The following TENM2 variants were observed in gnomAD, a reference collection of about 807,000 sequenced individuals.
TENM2 encodes teneurin transmembrane protein 2.
A neutral mutation model predicts 245.2 loss-of-function variants in TENM2; 52 were observed. The observed-to-expected ratio is 0.21, with a 90% CI of 0.17 to 0.27. The LOEUF (loss-of-function observed/expected upper bound fraction) is 0.27, where lower values mean the gene tolerates loss of function less well. Among genes scored for constraint, TENM2 ranks in the 10% least tolerant of loss-of-function variants. The pLI is 1.00. For synonymous variants in TENM2, 1,363 were observed against 1,438.9 expected (o/e 0.95, Z 1.19); for missense variants, 3,046 against 3,666.8 (o/e 0.83, Z 4.37).
the TENM2 span, among the ~76,000 whole-genome samples, chr5:167,204,666 G>T: frequency 0.011 from 1,677 of 151,740 alleles, 9 homozygotes; most frequent in Middle Eastern, 0.027. Flanking sequence ...CTTCTTGGAG[G>T]ACTTTATGTC....
chr5:168,240,206 C>T (rs560746182), intron 25 of TENM2, among the ~76,000 whole-genome samples: 77 of 152,236 alleles, frequency 5.1e-4, no homozygotes, highest in African/African-American at 1.7e-3. Flanking sequence ...GATGACAGAG[C>T]GAGACTCTGT....
intron 19 of TENM2, among the ~76,000 whole-genome samples, chr5:168,206,003 A>G (rs1581631023): frequency 6.6e-6 from 1 of 152,202 alleles, no homozygotes; most frequent in Non-Finnish European, 1.5e-5. Context: ...CAATTAGAAT[A>G]TATTTTCGAG....
At chr5:168,187,909 T>A (rs1361035773) in intron 13 of TENM2, among the ~76,000 whole-genome samples, 1 of 152,134 alleles carries the variant, frequency 6.6e-6, no homozygotes, top group African/African-American at 2.4e-5. Flanking sequence ...TGAAAGTCTC[T>A]CAATCTAAAG....
chr5:168,249,446 C>T (rs1038720987), intron 27 of TENM2, among the ~76,000 whole-genome samples: 26 of 106,380 alleles, frequency 2.4e-4, no homozygotes, highest in Admixed American at 4.4e-4. Context: ...AAATACCGTT[C>T]TCTCAAGGTG....
intron 2 of TENM2, among the ~76,000 whole-genome samples, chr5:167,439,086 A>C (rs984535076): frequency 2.0e-5 from 3 of 152,172 alleles, no homozygotes; most frequent in African/African-American, 7.2e-5. Context: ...GAGCCGCCGC[A>C]CCGGGCCGCC....
chr5:168,215,543 C>T (rs1257447134), intron 21 of TENM2, among the ~76,000 whole-genome samples: 1 of 152,150 alleles, frequency 6.6e-6, no homozygotes, highest in Non-Finnish European at 1.5e-5. Flanking sequence ...GCGGTGGGCG[C>T]CTGTAGTCCC....
chr5:167,013,513 C>G, the TENM2 span, among the ~76,000 whole-genome samples: 2 of 152,004 alleles, frequency 1.3e-5, no homozygotes, highest in South Asian at 4.1e-4. Flanking sequence ...TCAAGCAACC[C>G]TGGTCAACGT....
chr5:168,051,414 A>G (rs1789075864), intron 6 of TENM2, among the ~76,000 whole-genome samples: 1 of 152,204 alleles, frequency 6.6e-6, no homozygotes, highest in Non-Finnish European at 1.5e-5. Flanking sequence ...AACAGAGACT[A>G]TATGGCCCAA....
At position 167,641,104 on chromosome 5, in the gene TENM2, T is replaced by C. The variant is rs1235094076; in HGVS notation, c.503-234882T>C. On this transcript the variant is annotated intron_variant, in intron 2 of 28. Transcript: ENST00000518659. The stretch of plus-strand genomic sequence containing the variant: ...GATGCCCACTCAAGTTTGAGAACTT[T>C]TGCCTTATATGATTGAATAAGGCAA... Among the ~76,000 whole-genome samples, 7 of 151,650 alleles carry C rather than the reference T, an allele frequency of 4.6e-5. No individual in the cohort carries two copies. In the East Asian group the frequency reaches 9.7e-4, roughly 21 times the overall value.
the TENM2 span, among the ~76,000 whole-genome samples, chr5:167,144,043 T>G: frequency 6.6e-6 from 1 of 152,294 alleles, no homozygotes; most frequent in East Asian, 1.9e-4. Flanking sequence ...TGTATTCACA[T>G]TGAAATGAGG....
intron 7 of TENM2, among the ~76,000 whole-genome samples, chr5:168,072,661 C>T (rs559913437): frequency 6.6e-6 from 1 of 152,268 alleles, no homozygotes; most frequent in East Asian, 1.9e-4. Flanking sequence ...CTTATCTCTC[C>T]TATGAAGTGT....
intron 2 of TENM2, among the ~76,000 whole-genome samples, chr5:167,823,983 G>A (rs1436844406): frequency 1.3e-5 from 2 of 152,080 alleles, no homozygotes; most frequent in Non-Finnish European, 2.9e-5. Context: ...CTGAAATTCA[G>A]AACGGTGTGA....
At chr5:167,449,344 A>C (rs995124567) in intron 2 of TENM2, among the ~76,000 whole-genome samples, 1 of 152,180 alleles carries the variant, frequency 6.6e-6, no homozygotes, top group Non-Finnish European at 1.5e-5. Context: ...ATGAGGATTT[A>C]TGGTGAGCAG....
chr5:167,868,998 T>C (rs1772578587), intron 2 of TENM2, among the ~76,000 whole-genome samples: 1 of 152,138 alleles, frequency 6.6e-6, no homozygotes, highest in Non-Finnish European at 1.5e-5. Context: ...AGAGTAGCTG[T>C]TAATATCATC....
At chr5:167,868,051 C>T (rs938160509) in intron 2 of TENM2, among the ~76,000 whole-genome samples, 1 of 152,142 alleles carries the variant, frequency 6.6e-6, no homozygotes, top group Non-Finnish European at 1.5e-5. Context: ...AAATTGATCA[C>T]GTAACATAAA....
chr5:167,941,081 A>G (rs771084845), intron 3 of TENM2, among the ~76,000 whole-genome samples: 24 of 152,252 alleles, frequency 1.6e-4, no homozygotes, highest in Admixed American at 1.1e-3. Context: ...CCTGAGAAAC[A>G]AATTGCTAAT....
chr5:167,227,186 T>G, the TENM2 span, among the ~76,000 whole-genome samples: 3 of 152,220 alleles, frequency 2.0e-5, no homozygotes, highest in Non-Finnish European at 2.9e-5. Flanking sequence ...AGGTTATTGT[T>G]GATAAGTGTG....
At position 167,448,806 on chromosome 5, in the gene TENM2, T is replaced by G. The variant is rs887839910; in HGVS notation, c.502+73333T>G. On this transcript the variant is annotated intron_variant, in intron 2 of 28. Transcript: ENST00000518659. The stretch of plus-strand genomic sequence containing the variant: ...TTTATAATGCATGCTGGTAAACTTG[T>G]GTATGAGTTTCCATGGTGGCTGAAG... 3.3e-5 allele frequency among the ~76,000 whole-genome samples: 5 copies of G among 152,116 alleles called. No homozygotes were observed. In the South Asian group the frequency reaches 1.0e-3, roughly 32 times the overall value.
chr5:167,254,261 G>A, the TENM2 span, among the ~76,000 whole-genome samples: 3 of 152,102 alleles, frequency 2.0e-5, no homozygotes, highest in Admixed American at 6.6e-5. Flanking sequence ...CTGCCTTCTT[G>A]AGACCTTTCC....
Sources: gnomAD v4.1 joint callset for allele counts (sites outside exome capture counted in the v4.1 genomes callset) on GRCh38, gnomAD v4.1.1 for gene constraint, MANE v1.5 for transcripts, NCBI Gene and HGNC (gene_info 2026-07-23, HGNC 2026-07-21) for gene names.